IFITM10: variants seen among roughly 807,000 people sequenced by gnomAD.
IFITM10 encodes interferon induced transmembrane protein 10.
IFITM10 carries 17 observed loss-of-function variants against 19.0 expected under a neutral mutation model. That is an observed-to-expected ratio of 0.90 (90% CI 0.61 to 1.34). IFITM10 has a LOEUF of 1.34. Among genes scored for constraint, IFITM10 ranks in the 40% most tolerant of loss-of-function variants. The pLI, the probability that IFITM10 is intolerant of heterozygous loss-of-function variation, is 0.00. For missense variants in IFITM10, 306 were observed against 319.8 expected (o/e 0.96, Z 0.33); for synonymous variants, 148 against 147.2 (o/e 1.01, Z -0.04).
At chr11:1,743,784 T>C (rs1325108980) in intron 2 of IFITM10, among the ~76,000 whole-genome samples, 3 of 151,870 alleles carry the variant, frequency 2.0e-5, no homozygotes, top group Non-Finnish European at 4.4e-5. Context: ...ACCACCACAC[T>C]GGGACTTGAA....
At position 1,748,000 on chromosome 11, in the gene IFITM10, A is replaced by C. The variant is rs976672171; in HGVS notation, c.204T>G (p.Gly68=). 4.9e-6 allele frequency: 7 copies of C among 1,441,082 alleles called. No homozygotes were observed. The African/African-American group carries it at 1.0e-4, about 21-fold the overall frequency. The allele number at this position is 1,441,082 out of a possible 1,614,324, so 89.3% of individuals were successfully genotyped here. ...CGCAAGCGAAGCAGCCCTTGGGCGA[A>C]CCTGCCGGGGGCCTCGGAATCCAGA... is the stretch of plus-strand genomic sequence containing the variant. The part of the protein sequence containing the change: ...GAFWIPRPPA[G]SPKGCFACVS... The change falls in exon 2 of 3, where the codon GGT becomes GGG. Residue 68 remains glycine, a synonymous_variant. Coordinates refer to ENST00000340134, the MANE Select transcript of IFITM10 (RefSeq NM_001170820.4).
chr11:1,744,724 C>G (rs1845616556), intron 2 of IFITM10: 1 of 152,446 alleles, frequency 6.6e-6, no homozygotes, highest in Non-Finnish European at 1.5e-5. Flanking sequence ...CCACTGCATG[C>G]GGGCCTCCGC....
intron 1 of IFITM10, 189 bp from the exon 2 acceptor site, chr11:1,748,308 C>A (rs922550028): frequency 2.3e-6 from 1 of 433,338 alleles, no homozygotes; most frequent in Admixed American, 4.1e-5. Context: ...CAAAGCCCTT[C>A]GCAGCAGCCT....
intron 2 of IFITM10, among the ~76,000 whole-genome samples, chr11:1,738,438 T>A (rs1005925259): frequency 6.6e-6 from 1 of 152,158 alleles, no homozygotes; most frequent in African/African-American, 2.4e-5. Flanking sequence ...CGTCTGTATA[T>A]GCTGGGTGGG....
At chr11:1,739,266 G>A (rs549740197) in intron 2 of IFITM10, among the ~76,000 whole-genome samples, 1 of 152,198 alleles carries the variant, frequency 6.6e-6, no homozygotes, top group East Asian at 1.9e-4. Context: ...TGCTGAATGG[G>A]TGGAACAGGT....
intron 2 of IFITM10, among the ~76,000 whole-genome samples, chr11:1,739,304 G>C (rs752683601): frequency 8.5e-5 from 13 of 152,232 alleles, no homozygotes; most frequent in Non-Finnish European, 1.6e-4. Flanking sequence ...ATGTGTTTTG[G>C]ATGGCTAAGA....
At chr11:1,745,794 T>A in intron 2 of IFITM10, 1 of 146,806 alleles carries the variant, frequency 6.8e-6, no homozygotes, top group East Asian at 2.1e-4. Flanking sequence ...CACACTCAGG[T>A]ACATACACAC....
chr11:1,748,985 G>A (rs1367483856), intron 1 of IFITM10: 1 of 996,000 alleles, frequency 1.0e-6, no homozygotes, highest in Admixed American at 5.9e-5. Context: ...ATCCGGGTCT[G>A]CCGCAGCCCC....
At position 1,747,652 on chromosome 11, in the gene IFITM10, A is replaced by G; in HGVS notation, c.537+15T>C. On this transcript the variant is annotated intron_variant, in intron 2 of 2. Coordinates refer to ENST00000340134, the MANE Select transcript of IFITM10 (RefSeq NM_001170820.4). ...CTCTAGCCCGCCCTTGCCCCCTGCC[A>G]CCGCCCGGGCTCACTTTGAGGGAGT... is the stretch of plus-strand genomic sequence containing the variant. 1 of 1,550,970 alleles carries G rather than the reference A, an allele frequency of 6.4e-7. No individual in the cohort carries two copies. Among genetic ancestry groups the G allele is most frequent in the Non-Finnish European group, 8.7e-7 (1 of 1,146,472 alleles).
At chr11:1,736,718 G>A (rs1267422043) in intron 2 of IFITM10, among the ~76,000 whole-genome samples, 1 of 151,344 alleles carries the variant, frequency 6.6e-6, no homozygotes, top group African/African-American at 2.4e-5. Context: ...GGATGGAGTG[G>A]AGTGGGTGGA....
rs935032195 is a variant in IFITM10, at chr11:1,749,060, T to A, written c.85-941A>T. 2.6e-6 allele frequency: 3 copies of A among 1,141,566 alleles called. No homozygotes were observed. The South Asian group carries it at 5.1e-5, about 19-fold the overall frequency. The allele number at this position is 1,141,566 out of a possible 1,614,324, so 70.7% of individuals were successfully genotyped here. A position where few individuals can be genotyped will look rare whatever the true frequency, so the allele number is the denominator to read the frequency against. ...CGCGGCCGGACCCCCTGAGCCTCGG[T>A]GCGCGCGTCCTTCCGCCGTCCCGCG... On this transcript the variant is annotated intron_variant, in intron 1 of 2. Transcript: ENST00000340134.
chr11:1,743,178 TGAA>T (rs1308470974), intron 2 of IFITM10, among the ~76,000 whole-genome samples: 1 of 142,470 alleles, frequency 7.0e-6, no homozygotes, highest in Admixed American at 6.9e-5. Flanking sequence ...GATGGACAGA[TGAA>T]GAATGGACAA....
intron 2 of IFITM10, among the ~76,000 whole-genome samples, chr11:1,736,425 G>A (rs952889614): frequency 6.6e-6 from 1 of 152,118 alleles, no homozygotes; most frequent in African/African-American, 2.4e-5. Context: ...GCCTGTGGGT[G>A]GATGGATGGA....
chr11:1,741,407 C>G (rs914113106), intron 2 of IFITM10, among the ~76,000 whole-genome samples: 1 of 151,218 alleles, frequency 6.6e-6, no homozygotes, highest in Non-Finnish European at 1.5e-5. Flanking sequence ...CATGTGGGGG[C>G]AGGGGAGATG....
chr11:1,750,544 TCCTGCTTGGGGTCCTGTCTGCCTG>T lies in IFITM10; in HGVS notation c.-126_-103del. 1 of 1,472,712 alleles carries T rather than the reference TCCTGCTTGGGGTCCTGTCTGCCTG, an allele frequency of 6.8e-7. No individual in the cohort carries two copies. Among genetic ancestry groups the T allele is most frequent in the Admixed American group, 2.0e-5 (1 of 49,236 alleles). 91.2% of individuals were successfully genotyped at this position (1,472,712 alleles called of 1,614,324 possible). A position where few individuals can be genotyped will look rare whatever the true frequency, so the allele number is the denominator to read the frequency against. On this transcript the variant is annotated 5_prime_UTR_variant, in exon 1 of 3. Transcript: ENST00000340134. ...CCCTCTTTCCTGTCTGGAAGGCCAG[TCCTGCTTGGGGTCCTGTCTGCCTG>T]CCTGTGCCTGACTCTGAACCCTTTC...
intron 1 of IFITM10, chr11:1,748,555 C>G (rs556289072): frequency 1.9e-5 from 3 of 162,110 alleles, no homozygotes; most frequent in African/African-American, 7.2e-5. Flanking sequence ...CACCTGCCCA[C>G]GGCGCCCGCG....
At chr11:1,746,636 G>T (rs1845653718) in intron 2 of IFITM10, 5 of 398,528 alleles carry the variant, frequency 1.3e-5, no homozygotes, top group Admixed American at 4.4e-5. Context: ...GGCGGGGTGG[G>T]GCTCGAGCTC....
intron 2 of IFITM10, chr11:1,744,781 T>C (rs1405015699): frequency 6.6e-6 from 1 of 152,508 alleles, no homozygotes; most frequent in African/African-American, 2.4e-5. Context: ...TCTATTTGTT[T>C]TGTGAACAGA....
intron 2 of IFITM10, among the ~76,000 whole-genome samples, chr11:1,743,380 G>A (rs1003705165): frequency 6.6e-6 from 1 of 151,294 alleles, no homozygotes; most frequent in African/African-American, 2.4e-5. Context: ...AGGATGGATG[G>A]ATGAATGGAT....
Sources: gnomAD v4.1 joint callset for allele counts (sites outside exome capture counted in the v4.1 genomes callset) on GRCh38, gnomAD v4.1.1 for gene constraint, MANE v1.5 for transcripts, NCBI Gene and HGNC (gene_info 2026-07-23, HGNC 2026-07-21) for gene names.